DLG2: variants seen among roughly 807,000 people sequenced by gnomAD.
DLG2 encodes discs large MAGUK scaffold protein 2.
A neutral mutation model predicts 132.5 loss-of-function variants in DLG2; 45 were observed. The observed-to-expected ratio is 0.34, with a 90% confidence interval of 0.27 to 0.44. DLG2 has a LOEUF of 0.44. DLG2 is among the 20% of genes least tolerant of loss of function. DLG2 has a pLI of 1.00. For synonymous variants in DLG2, 424 were observed against 419.6 expected, an observed-to-expected ratio of 1.01 and a Z score of -0.13; for missense variants, 1,045 against 1,196.9, an observed-to-expected ratio of 0.87 and a Z score of 1.87.
intron 6 of DLG2, among the ~76,000 whole-genome samples, chr11:84,632,976 T>C (rs2099634613): frequency 6.6e-6 from 1 of 152,202 alleles, no homozygotes; most frequent in Non-Finnish European, 1.5e-5. Flanking sequence ...AGCAATTCCA[T>C]AGCTTTTCTT....
At chr11:84,720,111 A>C (rs969942006) in intron 6 of DLG2, among the ~76,000 whole-genome samples, 6 of 152,168 alleles carry the variant, frequency 3.9e-5, no homozygotes, top group African/African-American at 1.2e-4. Context: ...TTATGAGCCC[A>C]ACATCGGACG....
chr11:84,025,879 G>A (rs1203762156), intron 11 of DLG2, among the ~76,000 whole-genome samples: 1 of 152,038 alleles, frequency 6.6e-6, no homozygotes, highest in Non-Finnish European at 1.5e-5. Flanking sequence ...AATTGTGTAA[G>A]CATTCTTATA....
chr11:84,892,469 C>T (rs2089553615), intron 6 of DLG2, among the ~76,000 whole-genome samples: 1 of 152,016 alleles, frequency 6.6e-6, no homozygotes. Context: ...CTCATAACTG[C>T]CTATTAAACA....
At position 84,170,063 on chromosome 11, in the gene DLG2, C is replaced by T. The variant is rs1274694445; in HGVS notation, c.574-6552G>A. ...CATGAGAGCACAGGTTGTATATTAA[C>T]CTTTTTTTTACCCTTGTACCTTCTG... On this transcript the variant is annotated intron_variant, in intron 8 of 27. Coordinates refer to ENST00000376104, the MANE Select transcript of DLG2 (RefSeq NM_001142699.3). Among the ~76,000 whole-genome samples the T allele has an allele frequency of 3.9e-5, 6 of 152,116 alleles. No homozygotes were observed. The South Asian group carries it at 8.3e-4, about 21-fold the overall frequency.
intron 6 of DLG2, among the ~76,000 whole-genome samples, chr11:84,796,662 A>G (rs184152382): frequency 1.3e-5 from 2 of 151,912 alleles, no homozygotes; most frequent in African/African-American, 4.8e-5. Flanking sequence ...ATTTTTGCGG[A>G]TAAACTATTC....
chr11:84,045,488 A>C (rs1212563951), intron 11 of DLG2, among the ~76,000 whole-genome samples: 2 of 151,846 alleles, frequency 1.3e-5, no homozygotes, highest in Middle Eastern at 3.4e-3. Flanking sequence ...TGATAGCCAA[A>C]ACTTCATATG....
chr11:84,317,606 G>C (rs1339934071), intron 7 of DLG2, among the ~76,000 whole-genome samples: 2 of 152,144 alleles, frequency 1.3e-5, no homozygotes, highest in Non-Finnish European at 2.9e-5. Flanking sequence ...AGATTAGTAG[G>C]ACCCTTCTTT....
At chr11:84,788,351 C>G (rs2153933501) in intron 6 of DLG2, among the ~76,000 whole-genome samples, 1 of 152,128 alleles carries the variant, frequency 6.6e-6, no homozygotes, top group South Asian at 2.1e-4. Context: ...TGGAACACAA[C>G]AGGTGTTCAA....
chr11:85,383,127 C>T (rs1367378417), intron 3 of DLG2, among the ~76,000 whole-genome samples: 2 of 152,104 alleles, frequency 1.3e-5, no homozygotes, highest in Non-Finnish European at 2.9e-5. Context: ...TCTATCCATA[C>T]AACAGAATAT....
At chr11:85,164,326 G>A (rs1168621973) in intron 4 of DLG2, among the ~76,000 whole-genome samples, 1 of 152,002 alleles carries the variant, frequency 6.6e-6, no homozygotes, top group Non-Finnish European at 1.5e-5. Flanking sequence ...CTGGTACTCT[G>A]GTCTCCTATA....
At chr11:83,625,186 C>T (rs1476684361) in intron 19 of DLG2, among the ~76,000 whole-genome samples, 12 of 152,154 alleles carry the variant, frequency 7.9e-5, no homozygotes, top group Admixed American at 7.9e-4. Context: ...GGCATGTTCT[C>T]TGGGAAACAG....
At chr11:85,622,687 A>C (rs1359209253) in intron 2 of DLG2, among the ~76,000 whole-genome samples, 1 of 152,012 alleles carries the variant, frequency 6.6e-6, no homozygotes, top group Non-Finnish European at 1.5e-5. Context: ...AAGCAAAGAG[A>C]TAATTTAAGA....
intron 6 of DLG2, among the ~76,000 whole-genome samples, chr11:84,735,630 A>C (rs1393150688): frequency 2.0e-5 from 3 of 151,966 alleles, no homozygotes; most frequent in Non-Finnish European, 4.4e-5. Context: ...TTTCGTCTCT[A>C]ACTCCTTCAG....
intron 18 of DLG2, among the ~76,000 whole-genome samples, chr11:83,697,890 G>A (rs1163784355): frequency 1.3e-5 from 2 of 152,186 alleles, no homozygotes; most frequent in African/African-American, 4.8e-5. Context: ...TCTTTGGCCA[G>A]TAAGAAGTGA....
chr11:83,910,084 T>A lies in DLG2; in HGVS notation c.1496+20244A>T, dbSNP rs183993173. Among the ~76,000 whole-genome samples the A allele has an allele frequency of 5.3e-5, 8 of 152,274 alleles. No individual in the cohort carries two copies. In the East Asian group the frequency reaches 1.5e-3, roughly 29 times the overall value. Reference sequence around the variant, plus strand: ...TCATTAAATTAAATGAACAGTTCAGTAATAAACCCAGCAGAGTAAATCAAC... The same window carrying A: ...TCATTAAATTAAATGAACAGTTCAGAAATAAACCCAGCAGAGTAAATCAAC... On this transcript the variant is annotated intron_variant, in intron 15 of 27. Coordinates refer to ENST00000376104, the MANE Select transcript of DLG2 (RefSeq NM_001142699.3).
intron 26 of DLG2, among the ~76,000 whole-genome samples, chr11:83,463,009 T>G (rs889240624): frequency 6.6e-6 from 1 of 152,200 alleles, no homozygotes; most frequent in African/African-American, 2.4e-5. Context: ...CAGGTGCATG[T>G]AGAATTTCTG....
intron 3 of DLG2, among the ~76,000 whole-genome samples, chr11:85,398,034 CA>C (rs763495709): frequency 5.9e-5 from 9 of 152,164 alleles, no homozygotes; most frequent in Non-Finnish European, 1.2e-4. Context: ...GGTAGTAAAA[CA>C]CTCCTCAGCA....
chr11:83,679,549 T>C (rs1009823022), intron 18 of DLG2, among the ~76,000 whole-genome samples: 3 of 152,074 alleles, frequency 2.0e-5, no homozygotes, highest in African/African-American at 7.2e-5. Flanking sequence ...GTTTCCAAAA[T>C]AAAAACAAAA....
chr11:85,454,585 C>A (rs1411403276), intron 3 of DLG2, among the ~76,000 whole-genome samples: 1 of 151,996 alleles, frequency 6.6e-6, no homozygotes, highest in Non-Finnish European at 1.5e-5. Context: ...CTTTTGGCAT[C>A]ATTGTCATGA....
Sources: gnomAD v4.1 joint callset for allele counts (sites outside exome capture counted in the v4.1 genomes callset) on GRCh38, gnomAD v4.1.1 for gene constraint, MANE v1.5 for transcripts, NCBI Gene and HGNC (gene_info 2026-07-23, HGNC 2026-07-21) for gene names.